Variants in SORBS3 observed in about 807,000 individuals in gnomAD.
SORBS3 encodes vinexin.
SORBS3 carries 69 observed loss-of-function variants against 98.0 expected under a neutral mutation model. That is an observed-to-expected ratio of 0.70 (90% confidence interval 0.58 to 0.86). The LOEUF (loss-of-function observed/expected upper bound fraction) is 0.86. Among genes scored for constraint, SORBS3 ranks in the 40% least tolerant of loss-of-function variants. The pLI, the probability that SORBS3 is intolerant of heterozygous loss-of-function variation, is 0.00. For missense variants in SORBS3, 954 were observed against 908.5 expected (o/e 1.05, Z -0.64); for synonymous variants, 394 against 355.4 (o/e 1.11, Z -1.22).
At position 22,570,848 on chromosome 8, in the gene SORBS3, A is replaced by G. The variant is rs919596227; in HGVS notation, c.1432-62A>G. Reference sequence around the variant, plus strand: ...TAGGGTTGAATGAGACAGCCCAGATAAGGCACCCGTGGGTCCATGGCACCA... The same window carrying G: ...TAGGGTTGAATGAGACAGCCCAGATGAGGCACCCGTGGGTCCATGGCACCA... On this transcript the variant is annotated intron_variant, in intron 17 of 20. Transcript: ENST00000240123. The G allele has an allele frequency of 3.4e-6, 5 of 1,477,794 alleles. No homozygotes were observed. The Admixed American group carries it at 7.6e-5, about 22-fold the overall frequency. 91.5% of individuals were successfully genotyped at this position (1,477,794 alleles called of 1,614,324 possible). A position where few individuals can be genotyped will look rare whatever the true frequency, so the allele number is the denominator to read the frequency against.
chr8:22,566,940 G>T, intron 15 of SORBS3, 72 bp downstream of exon 15: 1 of 1,576,864 alleles, frequency 6.3e-7, no homozygotes, highest in Non-Finnish European at 8.7e-7. Flanking sequence ...TGGGGAGGGG[G>T]ACTGGGCTGC....
intron 7 of SORBS3, among the ~76,000 whole-genome samples, chr8:22,563,773 A>G (rs974734244): frequency 1.8e-4 from 28 of 152,202 alleles, no homozygotes; most frequent in African/African-American, 6.5e-4. Context: ...TAACTTGTTC[A>G]AAGGTTACAC....
At chr8:22,572,473 T>C in intron 20 of SORBS3, 27 bp downstream of exon 20, 3 of 1,547,504 alleles carry the variant, frequency 1.9e-6, no homozygotes, top group Non-Finnish European at 2.7e-6. Context: ...GGAGGGGGCA[T>C]CTCAGGGCCC....
At chr8:22,571,665 T>C (rs2294045) in intron 18 of SORBS3, 53 bp from the exon 19 acceptor site, 3 of 1,380,252 alleles carry the variant, frequency 2.2e-6, no homozygotes, top group South Asian at 2.3e-5. Context: ...CAGGCTTACA[T>C]GTACCCATCG....
intron 18 of SORBS3, 31 bp downstream of exon 18, chr8:22,571,252 ACCT>A: frequency 2.2e-6 from 3 of 1,389,360 alleles, no homozygotes; most frequent in Non-Finnish European, 2.9e-6. Flanking sequence ...CAGAGAGTCG[ACCT>A]CCTCCTCACC....
chr8:22,567,051 C>A lies in SORBS3; in HGVS notation c.1191-10C>A. 1 of 1,607,646 alleles carries A rather than the reference C, an allele frequency of 6.2e-7. No individual in the cohort carries two copies. The highest frequency in any genetic ancestry group is 8.5e-7 in the Non-Finnish European group (1 of 1,175,050). On this transcript the variant is annotated splice_polypyrimidine_tract_variant and intron_variant, in intron 15 of 20. Transcript: ENST00000240123. ...TCAGCTTACCCTGCGGTCCTCGTCC[C>A]CACCTGCAGGGAGCTGACTCTGCAG...
chr8:22,552,866 T>C (rs937136736), intron 1 of SORBS3, among the ~76,000 whole-genome samples: 1 of 152,140 alleles, frequency 6.6e-6, no homozygotes, highest in Non-Finnish European at 1.5e-5. Flanking sequence ...TGTCTGCCTG[T>C]TTTGCTTTGG....
At chr8:22,558,330 C>G (rs1034086020) in intron 5 of SORBS3, 138 bp downstream of exon 5, 2 of 793,668 alleles carry the variant, frequency 2.5e-6, no homozygotes. Flanking sequence ...ATGAGTAGTC[C>G]TGAAAATAGG....
At chr8:22,561,597 C>T (rs1312145927) in intron 6 of SORBS3, 12 of 615,480 alleles carry the variant, frequency 1.9e-5, no homozygotes, top group South Asian at 1.2e-4. Flanking sequence ...ACTCCCTGGC[C>T]GGGATTTCTC....
At chr8:22,562,887 C>T (rs28614073) in intron 7 of SORBS3, among the ~76,000 whole-genome samples, 3,074 of 152,258 alleles carry the variant, frequency 0.02, 106 homozygotes, top group African/African-American at 0.07. Flanking sequence ...GAGGCTGAGG[C>T]GGGCGGATCA....
In SORBS3 at chr8:22,574,982, T is replaced by A; in HGVS notation, c.*254T>A. 1.5e-6 allele frequency: 1 copy of A among 645,308 alleles called. No homozygotes were observed. The highest frequency in any genetic ancestry group is 2.9e-6 in the Non-Finnish European group (1 of 348,420). The allele number at this position is 645,308 out of a possible 1,614,324, so 40.0% of individuals were successfully genotyped here. On this transcript the variant is annotated 3_prime_UTR_variant, in exon 21 of 21. Coordinates refer to ENST00000240123, the MANE Select transcript of SORBS3 (RefSeq NM_005775.5). Reference sequence around the variant, plus strand: ...CCACTCCCCAAATACAGAGGTCTGCTTTGAAGCGGAGACCATTTCCAGGCC... The same window carrying A: ...CCACTCCCCAAATACAGAGGTCTGCATTGAAGCGGAGACCATTTCCAGGCC...
intron 10 of SORBS3, chr8:22,564,899 C>T (rs1207536466): frequency 1.5e-5 from 8 of 526,690 alleles, no homozygotes; most frequent in African/African-American, 1.5e-4. Flanking sequence ...CCTGGGGTGG[C>T]GGGGGAACCT....
chr8:22,566,710 G>T lies in SORBS3; in HGVS notation c.1140G>T (p.Lys380Asn). The T allele has an allele frequency of 6.2e-7, 1 of 1,612,656 alleles. No homozygotes were observed. Among genetic ancestry groups the T allele is most frequent in the Non-Finnish European group, 8.5e-7 (1 of 1,179,568 alleles). Residue 380 changes from lysine to asparagine, a missense_variant, in exon 14 of 21, where the codon AAG (lysine) becomes AAT (asparagine). Coordinates refer to ENST00000240123, the MANE Select transcript of SORBS3 (RefSeq NM_005775.5). ...GGGSPARREE[K>N]KRKAARLKFD... ...GCAGCCCAGCCAGGAGGGAAGAGAAGAAGGTAAGGAGGGGACCAGGTGTGG... is the reference window on the plus strand; with the variant it reads ...GCAGCCCAGCCAGGAGGGAAGAGAATAAGGTAAGGAGGGGACCAGGTGTGG...
chr8:22,574,400 G>A (rs1840673584), intron 20 of SORBS3, among the ~76,000 whole-genome samples: 1 of 92,710 alleles, frequency 1.1e-5, no homozygotes, highest in Non-Finnish European at 2.3e-5. Context: ...GGAGGAGGGG[G>A]GGAGTGACTC....
At chr8:22,565,987 G>A (rs1023770693) in intron 12 of SORBS3, 115 bp downstream of exon 12, 1 of 730,666 alleles carries the variant, frequency 1.4e-6, no homozygotes. Flanking sequence ...GGGGGAGGAA[G>A]GAACCGCAGA....
rs192331993 is a variant in SORBS3, at chr8:22,571,855, G to A, written c.1847+34G>A. The A allele has an allele frequency of 4.0e-4, 571 of 1,431,940 alleles. 4 individuals are homozygous for A. In the African/African-American group the frequency reaches 6.6e-3, roughly 17 times the overall value. The allele number at this position is 1,431,940 out of a possible 1,614,324, so 88.7% of individuals were successfully genotyped here. A position where few individuals can be genotyped will look rare whatever the true frequency, so the allele number is the denominator to read the frequency against. ...CATCTGAGGGCTCTTGATCAGACGTGGGGGGGGTCACTGGCAGGCAATGCC... is the reference window on the plus strand; with the variant it reads ...CATCTGAGGGCTCTTGATCAGACGTAGGGGGGGTCACTGGCAGGCAATGCC... On this transcript the variant is annotated intron_variant, in intron 19 of 20. Coordinates refer to ENST00000240123, the MANE Select transcript of SORBS3 (RefSeq NM_005775.5).
In SORBS3 at chr8:22,575,098, T is replaced by G; in HGVS notation, c.*370T>G. The stretch of plus-strand genomic sequence containing the variant: ...AGCTCTCCGCTTTGCCCCCACGGGG[T>G]TCCTCTAACCAGAACCAGCTTCCTA... On this transcript the variant is annotated 3_prime_UTR_variant, in exon 21 of 21. Transcript: ENST00000240123. The G allele has an allele frequency of 5.0e-6, 2 of 396,538 alleles. No individual in the cohort carries two copies. Among genetic ancestry groups the G allele is most frequent in the Non-Finnish European group, 1.0e-5 (2 of 200,550 alleles). 24.6% of individuals were successfully genotyped at this position (396,538 alleles called of 1,614,324 possible).
chr8:22,572,221 G>T, intron 19 of SORBS3, 119 bp from the exon 20 acceptor site: 2 of 801,082 alleles, frequency 2.5e-6, no homozygotes, highest in South Asian at 3.0e-5. Context: ...TTGCTCTGAG[G>T]AGCTGGATCA....
In SORBS3 at chr8:22,564,343, C is replaced by A. The variant is rs769798341; in HGVS notation, c.736C>A (p.Leu246Met). ...GACGGAAGAGTCCTGGAACCAGTTTCTGCAGGAACTAGAGACTGGGCAGAG... is the reference window on the plus strand; with the variant it reads ...GACGGAAGAGTCCTGGAACCAGTTTATGCAGGAACTAGAGACTGGGCAGAG... ...VWTEESWNQF[L>M]QELETGQRPK... The change falls in exon 9 of 21, where the codon CTG (leucine) becomes ATG (methionine). Residue 246 changes from leucine (L) to methionine (M), a missense_variant. Coordinates refer to ENST00000240123, the MANE Select transcript of SORBS3 (RefSeq NM_005775.5). 3.1e-6 allele frequency: 5 copies of A among 1,614,020 alleles called. No homozygotes were observed. In the Admixed American group the frequency reaches 8.3e-5, roughly 27 times the overall value.
Sources: allele counts gnomAD v4.1 joint callset (sites outside exome capture counted in the v4.1 genomes callset), GRCh38; gene constraint gnomAD v4.1.1; transcripts MANE v1.5; gene names NCBI Gene and HGNC (gene_info 2026-07-23, HGNC 2026-07-21).